Variants in CDH13 observed in about 807,000 individuals in gnomAD.
The protein encoded by CDH13 is cadherin 13.
A neutral mutation model predicts 63.8 loss-of-function variants in CDH13; 24 were observed. That is an observed-to-expected ratio of 0.38 (90% CI 0.27 to 0.53). CDH13 has a LOEUF of 0.53. Among genes scored for constraint, CDH13 ranks in the 20% least tolerant of loss-of-function variants. The probability of loss-of-function intolerance (pLI) is 0.85; values close to 1 mark genes in which losing one functional copy is unlikely to be tolerated. For missense variants in CDH13, 1,049 were observed against 903.1 expected (o/e 1.16, Z -2.07); for synonymous variants, 503 against 355.3 (o/e 1.42, Z -4.67).
intron 5 of CDH13, among the ~76,000 whole-genome samples, chr16:83,276,990 A>T (rs1285346506): frequency 6.6e-6 from 1 of 152,204 alleles, no homozygotes; most frequent in Non-Finnish European, 1.5e-5. Context: ...AATCATGAGA[A>T]CAACATGGGA....
At chr16:82,729,395 A>G (rs756383802) in intron 1 of CDH13, among the ~76,000 whole-genome samples, 41 of 152,188 alleles carry the variant, frequency 2.7e-4, no homozygotes, top group Non-Finnish European at 5.4e-4. Flanking sequence ...TAGATGTTAC[A>G]TTAACAGGCA....
intron 11 of CDH13, among the ~76,000 whole-genome samples, chr16:83,754,945 C>T (rs1162476115): frequency 6.6e-6 from 1 of 151,896 alleles, no homozygotes; most frequent in Non-Finnish European, 1.5e-5. Context: ...TAATAATGCC[C>T]AATTTACAGT....
chr16:82,790,055 A>AG (rs1346310443), intron 1 of CDH13, among the ~76,000 whole-genome samples: 1 of 152,166 alleles, frequency 6.6e-6, no homozygotes, highest in Non-Finnish European at 1.5e-5. Context: ...CTGGTGCTAT[A>AG]GGGGGGTGCT....
rs556751710 is a variant in CDH13, at chr16:83,175,973, C to A, written c.484-41372C>A. Among the ~76,000 whole-genome samples, 5 of 151,694 alleles carry A rather than the reference C, an allele frequency of 3.3e-5. 1 individual carries two copies. The highest frequency in any genetic ancestry group is 2.6e-4 in the Admixed American group (4 of 15,228). On this transcript the variant is annotated intron_variant, in intron 4 of 13. Transcript: ENST00000567109. ...CCTCCCAAGTAGCTGGGATTACAGG[C>A]ATGTGCCACAATGCCTGGCTAATTT...
Position 83,561,217 on chromosome 16 carries a change from T to C in CDH13, c.961-41237T>C, listed in dbSNP as rs1470903824. On this transcript the variant is annotated intron_variant, in intron 7 of 13. Coordinates refer to ENST00000567109, the MANE Select transcript of CDH13 (RefSeq NM_001257.5). ...ATCCCAGCACTTTGGGAGGCTGAGG[T>C]GGGCAGTTCACCTGAGGTTGGGAGT... Among the ~76,000 whole-genome samples the C allele has an allele frequency of 1.3e-5, 2 of 151,550 alleles. 1 individual carries two copies. Among genetic ancestry groups the C allele is most frequent in the African/African-American group, 4.8e-5 (2 of 41,302 alleles).
intron 10 of CDH13, among the ~76,000 whole-genome samples, chr16:83,715,425 C>G (rs1908742114): frequency 1.3e-5 from 2 of 152,238 alleles, no homozygotes; most frequent in African/African-American, 4.8e-5. Flanking sequence ...TTAGCATTTT[C>G]GAGTATTTAT....
At chr16:82,894,063 T>A (rs2041169286) in intron 2 of CDH13, among the ~76,000 whole-genome samples, 1 of 152,228 alleles carries the variant, frequency 6.6e-6, no homozygotes, top group Non-Finnish European at 1.5e-5. Context: ...TGAATCCCAG[T>A]CACTGTGTTA....
intron 1 of CDH13, among the ~76,000 whole-genome samples, chr16:82,638,816 C>G (rs943272527): frequency 2.0e-5 from 1 of 51,166 alleles, no homozygotes; most frequent in African/African-American, 5.5e-5. Flanking sequence ...TTTATTAGGG[C>G]AGTGTGTGCG....
At chr16:83,171,210 A>G (rs1284639692) in intron 4 of CDH13, among the ~76,000 whole-genome samples, 1 of 152,116 alleles carries the variant, frequency 6.6e-6, no homozygotes, top group Non-Finnish European at 1.5e-5. Context: ...CTGGCAGAAC[A>G]TGGCAGAAAA....
intron 3 of CDH13, among the ~76,000 whole-genome samples, chr16:83,111,042 G>T (rs573054721): frequency 3.6e-4 from 55 of 151,342 alleles, no homozygotes; most frequent in African/African-American, 1.3e-3. Flanking sequence ...CGTGGTGTCG[G>T]GTGCCTGTAG....
intron 2 of CDH13, among the ~76,000 whole-genome samples, chr16:82,897,678 A>C (rs1443494881): frequency 6.6e-6 from 1 of 152,244 alleles, no homozygotes; most frequent in Non-Finnish European, 1.5e-5. Flanking sequence ...CTTAGCTATT[A>C]ATGCTGTACA....
At chr16:83,748,632 C>T (rs1235242370) in intron 11 of CDH13, among the ~76,000 whole-genome samples, 2 of 152,164 alleles carry the variant, frequency 1.3e-5, no homozygotes, top group Non-Finnish European at 2.9e-5. Context: ...CTGACCCTGA[C>T]CATTGAATTG....
chr16:83,275,325 C>G (rs547668129), intron 5 of CDH13, among the ~76,000 whole-genome samples: 1 of 152,172 alleles, frequency 6.6e-6, no homozygotes, highest in African/African-American at 2.4e-5. Context: ...AGCCATCATA[C>G]TTTCTGTCCA....
chr16:83,305,484 G>A (rs2089853313), intron 5 of CDH13, among the ~76,000 whole-genome samples: 1 of 152,186 alleles, frequency 6.6e-6, no homozygotes, highest in African/African-American at 2.4e-5. Context: ...ATATGTATAT[G>A]TCATGGCACT....
At chr16:83,101,985 C>G (rs2034500314) in intron 3 of CDH13, among the ~76,000 whole-genome samples, 2 of 152,120 alleles carry the variant, frequency 1.3e-5, no homozygotes, top group South Asian at 4.2e-4. Flanking sequence ...AAATGTGATT[C>G]AAGTTAAGGA....
At chr16:82,965,921 G>C (rs1392251271) in intron 2 of CDH13, among the ~76,000 whole-genome samples, 1 of 152,200 alleles carries the variant, frequency 6.6e-6, no homozygotes, top group Non-Finnish European at 1.5e-5. Flanking sequence ...TGGTAGCATA[G>C]CTGCCCAGTG....
chr16:82,817,367 A>C (rs1436656481), intron 1 of CDH13, among the ~76,000 whole-genome samples: 1 of 152,026 alleles, frequency 6.6e-6, no homozygotes, highest in Non-Finnish European at 1.5e-5. Flanking sequence ...TGCTGAATCC[A>C]TTGACTGCAC....
At chr16:83,138,433 C>T (rs1397805510) in intron 4 of CDH13, among the ~76,000 whole-genome samples, 1 of 152,102 alleles carries the variant, frequency 6.6e-6, no homozygotes, top group African/African-American at 2.4e-5. Context: ...TGAAGGACGC[C>T]TAAGAGCAGG....
At chr16:83,532,578 A>C (rs74032173) in intron 7 of CDH13, among the ~76,000 whole-genome samples, 9,263 of 152,260 alleles carry the variant, frequency 0.061, 312 homozygotes, top group Middle Eastern at 0.11. Flanking sequence ...CTCCATAAAT[A>C]TTTGCTGAAT....
Sources: allele counts gnomAD v4.1 joint callset (sites outside exome capture counted in the v4.1 genomes callset), GRCh38; gene constraint gnomAD v4.1.1; transcripts MANE v1.5; gene names NCBI Gene and HGNC (gene_info 2026-07-23, HGNC 2026-07-21).